Variants in DLGAP1 observed in about 807,000 individuals in gnomAD.
The protein encoded by DLGAP1 is disks large-associated protein 1.
DLGAP1 carries 11 observed loss-of-function variants against 90.8 expected under a neutral mutation model. That is an observed-to-expected ratio of 0.12 (90% CI 0.08 to 0.20). The LOEUF is 0.20. Among genes scored for constraint, DLGAP1 ranks in the 10% least tolerant of loss-of-function variants. DLGAP1 has a pLI of 1.00. For synonymous variants in DLGAP1, 558 were observed against 540.7 expected (o/e 1.03, Z -0.44); for missense variants, 1,050 against 1,333.8 (o/e 0.79, Z 3.31).
intron 7 of DLGAP1, chr18:3,598,066 T>G (rs1265051864): frequency 6.6e-6 from 1 of 152,338 alleles, no homozygotes; most frequent in Admixed American, 6.5e-5. Flanking sequence ...AAATTATGCC[T>G]TGGGCCGGGT....
intron 7 of DLGAP1, among the ~76,000 whole-genome samples, chr18:3,648,621 T>C (rs1016659355): frequency 6.6e-5 from 10 of 152,224 alleles, no homozygotes; most frequent in Non-Finnish European, 1.5e-4. Flanking sequence ...TACTATTGAA[T>C]TGGCTTCAAA....
intron 1 of DLGAP1, among the ~76,000 whole-genome samples, chr18:4,452,381 C>G (rs2083856454): frequency 6.6e-6 from 1 of 152,036 alleles, no homozygotes; most frequent in Non-Finnish European, 1.5e-5. Flanking sequence ...GTAGATGAAA[C>G]TATTACTTTG....
intron 7 of DLGAP1, among the ~76,000 whole-genome samples, chr18:3,624,259 G>A (rs746493679): frequency 2.6e-5 from 4 of 152,192 alleles, no homozygotes; most frequent in Admixed American, 6.5e-5. Flanking sequence ...GTGCGCATAG[G>A]TCTGACACTG....
chr18:4,352,063 C>T (rs920588004), intron 1 of DLGAP1, among the ~76,000 whole-genome samples: 4 of 152,298 alleles, frequency 2.6e-5, no homozygotes, highest in Non-Finnish European at 4.4e-5. Flanking sequence ...GAAAAGCTCG[C>T]ATAAACTTTC....
chr18:4,263,306 A>G (rs62086528), intron 1 of DLGAP1, among the ~76,000 whole-genome samples: 3,143 of 152,308 alleles, frequency 0.021, 37 homozygotes, highest in East Asian at 0.042. Context: ...GTAAAATAAT[A>G]TTACTGACTA....
At chr18:3,895,465 C>T (rs2071598976) in intron 3 of DLGAP1, among the ~76,000 whole-genome samples, 1 of 152,140 alleles carries the variant, frequency 6.6e-6, no homozygotes, top group African/African-American at 2.4e-5. Flanking sequence ...TGATATCATC[C>T]ATTGACTGTG....
chr18:3,586,124 G>A (rs1366107290), intron 7 of DLGAP1, among the ~76,000 whole-genome samples: 1 of 152,166 alleles, frequency 6.6e-6, no homozygotes, highest in African/African-American at 2.4e-5. Flanking sequence ...TGGTTAGACT[G>A]GACAGGGAGA....
intron 9 of DLGAP1, among the ~76,000 whole-genome samples, chr18:3,560,343 TG>T (rs1296089309): frequency 7.7e-5 from 11 of 143,704 alleles, no homozygotes; most frequent in Non-Finnish European, 1.2e-4. Context: ...CACTTGAACC[TG>T]GGAGGCGGAG....
At chr18:3,525,542 T>C (rs1246818939) in intron 10 of DLGAP1, among the ~76,000 whole-genome samples, 1 of 152,068 alleles carries the variant, frequency 6.6e-6, no homozygotes, top group Non-Finnish European at 1.5e-5. Flanking sequence ...TGGGATTACA[T>C]GCATGCACCA....
At chr18:4,444,492 A>C (rs1211050390) in intron 1 of DLGAP1, among the ~76,000 whole-genome samples, 1 of 152,204 alleles carries the variant, frequency 6.6e-6, no homozygotes, top group Non-Finnish European at 1.5e-5. Flanking sequence ...TACAGCCTAC[A>C]TGCAGTGCAA....
chr18:3,631,116 G>T (rs2058508946), intron 7 of DLGAP1, among the ~76,000 whole-genome samples: 1 of 151,910 alleles, frequency 6.6e-6, no homozygotes, highest in African/African-American at 2.4e-5. Flanking sequence ...AAGTAGCTGG[G>T]ACTACAGGCA....
intron 1 of DLGAP1, among the ~76,000 whole-genome samples, chr18:4,246,288 A>T (rs2078651627): frequency 6.6e-6 from 1 of 152,220 alleles, no homozygotes; most frequent in South Asian, 2.1e-4. Flanking sequence ...AGGAAAAAAA[A>T]TAGCCATGGC....
intron 7 of DLGAP1, among the ~76,000 whole-genome samples, chr18:3,590,152 C>A (rs533105421): frequency 1.1e-3 from 168 of 152,282 alleles, no homozygotes; most frequent in African/African-American, 3.6e-3. Flanking sequence ...TCAGGTGATC[C>A]AGCTCCCTTA....
At chr18:4,178,650 A>T (rs1030167635) in intron 1 of DLGAP1, among the ~76,000 whole-genome samples, 2 of 152,104 alleles carry the variant, frequency 1.3e-5, no homozygotes, top group African/African-American at 4.8e-5. Context: ...GTTTAGAATG[A>T]TATTATTTTA....
chr18:4,223,388 C>T (rs913263502), intron 1 of DLGAP1, among the ~76,000 whole-genome samples: 1 of 152,094 alleles, frequency 6.6e-6, no homozygotes, highest in African/African-American at 2.4e-5. Context: ...TGTTTGAAAC[C>T]TTGTATTTCA....
At chr18:3,644,231 G>A (rs758267520) in intron 7 of DLGAP1, among the ~76,000 whole-genome samples, 2 of 152,106 alleles carry the variant, frequency 1.3e-5, no homozygotes, top group Non-Finnish European at 2.9e-5. Context: ...CACAGGACAT[G>A]TACTAGGGGT....
At chr18:4,158,193 A>T (rs1040806286) in intron 1 of DLGAP1, among the ~76,000 whole-genome samples, 2 of 152,152 alleles carry the variant, frequency 1.3e-5, no homozygotes, top group Admixed American at 6.5e-5. Flanking sequence ...ATTTTTGCTG[A>T]TTGTGCATGC....
chr18:3,694,569 C>T (rs763676615), intron 7 of DLGAP1, among the ~76,000 whole-genome samples: 7 of 152,174 alleles, frequency 4.6e-5, no homozygotes, highest in East Asian at 1.9e-4. Context: ...TTTTAATGAT[C>T]GCCATTGTAA....
chr18:4,387,170 G>T (rs568358963), intron 1 of DLGAP1, among the ~76,000 whole-genome samples: 5 of 152,142 alleles, frequency 3.3e-5, no homozygotes, highest in Non-Finnish European at 7.4e-5. Context: ...GAGGGAGCAA[G>T]GTTGAGTGAA....
Sources: allele counts gnomAD v4.1 joint callset (sites outside exome capture counted in the v4.1 genomes callset), GRCh38; gene constraint gnomAD v4.1.1; transcripts MANE v1.5; gene names NCBI Gene and HGNC (gene_info 2026-07-23, HGNC 2026-07-21).